SLC37A1: variants seen among roughly 807,000 people sequenced by gnomAD.
The protein encoded by SLC37A1 is glucose-6-phosphate exchanger SLC37A1.
A neutral mutation model predicts 75.3 loss-of-function variants in SLC37A1; 49 were observed. That is an observed-to-expected ratio of 0.65 (90% CI 0.52 to 0.83). SLC37A1 has a LOEUF of 0.83. Among genes scored for constraint, SLC37A1 ranks in the 40% least tolerant of loss-of-function variants. The pLI is 0.00. For missense variants in SLC37A1, 566 were observed against 695.0 expected (o/e 0.81, Z 2.09); for synonymous variants, 268 against 292.1 (o/e 0.92, Z 0.84).
At position 42,565,099 on chromosome 21, in the gene SLC37A1, C is replaced by T. The variant is rs1023118634; in HGVS notation, c.1221+306C>T. On this transcript the variant is annotated intron_variant, in intron 14 of 19. Transcript: ENST00000352133. The stretch of plus-strand genomic sequence containing the variant: ...TCCTTTGGGATCCGCAACACCTCCC[C>T]AACCTCTTAGGCATCGTTGACACCT... Among the ~76,000 whole-genome samples, 60 of 152,366 alleles carry T rather than the reference C, an allele frequency of 3.9e-4. 1 individual carries two copies. The highest frequency in any genetic ancestry group is 1.4e-3 in the Admixed American group (21 of 15,314).
At chr21:42,529,367 C>T (rs548798861) in intron 3 of SLC37A1, among the ~76,000 whole-genome samples, 4 of 152,060 alleles carry the variant, frequency 2.6e-5, no homozygotes, top group Admixed American at 6.5e-5. Context: ...GTCAGCAGTT[C>T]GAGACCAGCC....
chr21:42,557,784 CTT>C (rs66963176), intron 10 of SLC37A1, among the ~76,000 whole-genome samples: 2,980 of 148,994 alleles, frequency 0.02, 66 homozygotes, highest in African/African-American at 0.053. Flanking sequence ...TTACCATTTT[CTT>C]TTTTTTTTTT....
At position 42,578,427 on chromosome 21, in the gene SLC37A1, C is replaced by T. The variant is rs564173896; in HGVS notation, c.1522-1309C>T. Among the ~76,000 whole-genome samples, 17 of 152,346 alleles carry T rather than the reference C, an allele frequency of 1.1e-4. No homozygotes were observed. In the South Asian group the frequency reaches 3.1e-3, roughly 28 times the overall value. On this transcript the variant is annotated intron_variant, in intron 18 of 19. Transcript: ENST00000352133. ...TAACACTTGCTACTATATTCTTCAT[C>T]TTTTTCTCTCTTAATGATCAGCTTT...
chr21:42,576,858 CAA>C (rs1409682535), intron 18 of SLC37A1, among the ~76,000 whole-genome samples: 1 of 151,534 alleles, frequency 6.6e-6, no homozygotes, highest in African/African-American at 2.4e-5. Flanking sequence ...GAATTCAGCA[CAA>C]AAAGAGAGAT....
At chr21:42,540,341 A>G (rs1197151594) in intron 6 of SLC37A1, among the ~76,000 whole-genome samples, 1 of 152,192 alleles carries the variant, frequency 6.6e-6, no homozygotes, top group Non-Finnish European at 1.5e-5. Flanking sequence ...CACCTTTATC[A>G]GTGCCTAGGA....
chr21:42,575,315 A>C (rs112406029), intron 18 of SLC37A1: 119,251 of 985,386 alleles, frequency 0.12, 7,847 homozygotes, highest in Non-Finnish European at 0.13. Context: ...TGATACACAG[A>C]GCCTGGCCTC....
intron 1 of SLC37A1, among the ~76,000 whole-genome samples, chr21:42,517,859 C>T (rs1358372049): frequency 6.6e-6 from 1 of 152,220 alleles, no homozygotes; most frequent in Admixed American, 6.5e-5. Context: ...TCTGTCACTA[C>T]GGTTCAAAGG....
intron 3 of SLC37A1, among the ~76,000 whole-genome samples, chr21:42,530,632 ACACACACACACACACACACACACC>A (rs546542307): frequency 0.3 from 34,531 of 113,350 alleles, 4,882 homozygotes; most frequent in Admixed American, 0.35. Flanking sequence ...ACACACACAC[ACACACACACACACACACACACACC>A]CCCTCTGTGT....
chr21:42,547,057 C>T lies in SLC37A1; in HGVS notation c.731-46C>T. On this transcript the variant is annotated intron_variant, in intron 8 of 19. Transcript: ENST00000352133. The surrounding 1 kb of genome is among the most constrained non-coding windows in gnomAD (Gnocchi z 6.1). Reference sequence around the variant, plus strand: ...GGGTTACGTAGCTTACTTGGCATTGCCATGGTGGTGGACCTGCTCAGCCTC... The same window carrying T: ...GGGTTACGTAGCTTACTTGGCATTGTCATGGTGGTGGACCTGCTCAGCCTC... 1.9e-6 allele frequency: 3 copies of T among 1,613,646 alleles called. No individual in the cohort carries two copies. The highest frequency in any genetic ancestry group is 2.5e-6 in the Non-Finnish European group (3 of 1,179,578).
At chr21:42,546,235 G>T (rs1204996298) in intron 8 of SLC37A1, among the ~76,000 whole-genome samples, 1 of 152,232 alleles carries the variant, frequency 6.6e-6, no homozygotes, top group Non-Finnish European at 1.5e-5. Flanking sequence ...TTCCCGCATT[G>T]CTCGGGGCAG....
At chr21:42,538,885 G>T (rs532935600) in intron 5 of SLC37A1, among the ~76,000 whole-genome samples, 1 of 152,172 alleles carries the variant, frequency 6.6e-6, no homozygotes, top group Non-Finnish European at 1.5e-5. Context: ...TTAGTGAATC[G>T]CATTGCTGTT....
At chr21:42,511,311 A>G (rs145344844), upstream of SLC37A1, among the ~76,000 whole-genome samples, 3 of 152,366 alleles carry the variant, frequency 2.0e-5, no homozygotes, top group East Asian at 5.8e-4. Flanking sequence ...ACAACATACC[A>G]AAACGTATGG....
chr21:42,557,022 C>A (rs1453812188), intron 10 of SLC37A1, among the ~76,000 whole-genome samples: 1 of 152,236 alleles, frequency 6.6e-6, no homozygotes, highest in Non-Finnish European at 1.5e-5. Context: ...CCCTGAAGCA[C>A]TTTACAAATC....
Position 42,545,551 on chromosome 21 carries a change from G to A in SLC37A1, c.731-1552G>A, listed in dbSNP as rs982933217. On this transcript the variant is annotated intron_variant, in intron 8 of 19. Coordinates refer to ENST00000352133, the MANE Select transcript of SLC37A1 (RefSeq NM_001320537.2). This position sits in a 1 kb window ranked among gnomAD's most constrained non-coding sequence, Gnocchi z 4.0. ...CCCAGGGTGAGCCCCAAAGGACAGG[G>A]CGTCCCCTGCTCCTTTCTCAGGCCT... 2.0e-5 allele frequency among the ~76,000 whole-genome samples: 3 copies of A among 152,180 alleles called. No homozygotes were observed. Among genetic ancestry groups the A allele is most frequent in the African/African-American group, 7.2e-5 (3 of 41,446 alleles).
At chr21:42,579,641 C>A in intron 18 of SLC37A1, 95 bp from the exon 19 acceptor site, 1 of 1,323,566 alleles carries the variant, frequency 7.6e-7, no homozygotes, top group Non-Finnish European at 1.1e-6. Context: ...AGCCACCCGC[C>A]CAGGCCTTGC....
intron 2 of SLC37A1, among the ~76,000 whole-genome samples, chr21:42,505,570 G>A (rs1408587436): frequency 2.0e-5 from 3 of 152,130 alleles, no homozygotes; most frequent in Admixed American, 6.5e-5. Context: ...GAAGGCTGGA[G>A]AGGCATGACC....
intron 9 of SLC37A1, among the ~76,000 whole-genome samples, chr21:42,549,145 ACCAGCCGT>A (rs569658622): frequency 1.1e-3 from 164 of 152,250 alleles, no homozygotes; most frequent in African/African-American, 3.8e-3. Context: ...AGCTGCCCGG[ACCAGCCGT>A]CTTGAGACTG....
At chr21:42,528,466 C>T (rs2054857716) in intron 3 of SLC37A1, among the ~76,000 whole-genome samples, 1 of 152,180 alleles carries the variant, frequency 6.6e-6, no homozygotes, top group Non-Finnish European at 1.5e-5. Context: ...TCCCTGGAGC[C>T]AGGGGGATGG....
chr21:42,525,741 T>C (rs1459426002), intron 2 of SLC37A1, 35 bp from the exon 3 acceptor site: 2 of 1,482,978 alleles, frequency 1.3e-6, no homozygotes, highest in Admixed American at 1.7e-5. Flanking sequence ...CTTCTGTTAT[T>C]TCATATCATC....
Sources: allele counts gnomAD v4.1 joint callset (sites outside exome capture counted in the v4.1 genomes callset), GRCh38; gene constraint gnomAD v4.1.1; non-coding constraint Gnocchi (gnomAD v3.1); transcripts MANE v1.5; gene names NCBI Gene and HGNC (gene_info 2026-07-23, HGNC 2026-07-21).